Variants in SOS2 observed in about 807,000 individuals in gnomAD.
SOS2 encodes the protein son of sevenless homolog 2.
SOS2 carries 65 observed loss-of-function variants against 148.2 expected under a neutral mutation model. That is an observed-to-expected ratio of 0.44 (90% CI 0.36 to 0.54). The LOEUF (loss-of-function observed/expected upper bound fraction) is 0.54, where lower values mean the gene tolerates loss of function less well. Among genes scored for constraint, SOS2 ranks in the 20% least tolerant of loss-of-function variants. The probability of loss-of-function intolerance (pLI) is 0.00; values close to 1 mark genes in which losing one functional copy is unlikely to be tolerated. For missense variants in SOS2, 1,341 were observed against 1,590.2 expected (o/e 0.84, Z 2.67); for synonymous variants, 539 against 537.1 (o/e 1.00, Z -0.05).
chr14:50,126,944 T>C (rs1883698660), intron 21 of SOS2, among the ~76,000 whole-genome samples: 1 of 152,074 alleles, frequency 6.6e-6, no homozygotes, highest in East Asian at 1.9e-4. Flanking sequence ...ATGCAGTTCA[T>C]TGTGAAGCTG....
intron 8 of SOS2, among the ~76,000 whole-genome samples, chr14:50,168,677 G>A (rs1054573432): frequency 6.6e-6 from 1 of 152,028 alleles, no homozygotes; most frequent in Non-Finnish European, 1.5e-5. Flanking sequence ...ATAGAATGCC[G>A]TTTCGTGATA....
chr14:50,146,261 G>T (rs1434501466), intron 14 of SOS2, among the ~76,000 whole-genome samples: 1 of 152,074 alleles, frequency 6.6e-6, no homozygotes, highest in Non-Finnish European at 1.5e-5. Context: ...AAACAATTTG[G>T]CAAGATCTCA....
At chr14:50,151,882 C>T (rs1254184058) in intron 13 of SOS2, among the ~76,000 whole-genome samples, 1 of 152,048 alleles carries the variant, frequency 6.6e-6, no homozygotes, top group African/African-American at 2.4e-5. Context: ...TGCCACCATG[C>T]TTGGCTAATT....
chr14:50,227,243 C>CT (rs374477701), intron 1 of SOS2, among the ~76,000 whole-genome samples: 36,182 of 111,140 alleles, frequency 0.33, 7,388 homozygotes, highest in Non-Finnish European at 0.4. Flanking sequence ...TTCTTTCTTT[C>CT]TTTCTTTTTT....
intron 1 of SOS2, among the ~76,000 whole-genome samples, chr14:50,211,451 T>C (rs1225051366): frequency 6.6e-6 from 1 of 152,148 alleles, no homozygotes; most frequent in African/African-American, 2.4e-5. Context: ...AGCATAGTAC[T>C]ACCTCCTCTA....
intron 1 of SOS2, among the ~76,000 whole-genome samples, chr14:50,214,144 A>G (rs1367656262): frequency 6.6e-6 from 1 of 152,114 alleles, no homozygotes. Context: ...TTATCTTTTT[A>G]TTTACATAAA....
intron 13 of SOS2, among the ~76,000 whole-genome samples, chr14:50,152,826 G>A (rs1884702498): frequency 6.6e-6 from 1 of 151,992 alleles, no homozygotes; most frequent in African/African-American, 2.4e-5. Context: ...TTAGCCAGGC[G>A]TGATGTCATG....
At chr14:50,174,264 T>C (rs1885456914) in intron 8 of SOS2, among the ~76,000 whole-genome samples, 190 bp downstream of exon 8, 1 of 152,142 alleles carries the variant, frequency 6.6e-6, no homozygotes, top group Admixed American at 6.5e-5. Flanking sequence ...GAAAAAAATA[T>C]TAACTTCAAA....
intron 9 of SOS2, 126 bp downstream of exon 9, chr14:50,161,356 T>TA: frequency 1.3e-6 from 1 of 754,702 alleles, no homozygotes; most frequent in East Asian, 2.7e-5. Context: ...TAAAAGTATA[T>TA]AAAAGTATGA....
At chr14:50,156,193 G>C (rs979246500) in intron 12 of SOS2, 1 of 151,768 alleles carries the variant, frequency 6.6e-6, no homozygotes, top group Admixed American at 6.6e-5. Flanking sequence ...ATAATACTTT[G>C]GTTACTTGGA....
Position 50,118,240 on chromosome 14 carries a change from C to T in SOS2, c.*104G>A. On this transcript the variant is annotated 3_prime_UTR_variant, in exon 23 of 23. Transcript: ENST00000216373. ...TTGATCAGTAGCATTTTTGTAAGAG[C>T]ATTATTTGTAAAAAGTACTAAAATA... is the stretch of plus-strand genomic sequence containing the variant. The T allele has an allele frequency of 1.1e-6, 1 of 932,190 alleles. No homozygotes were observed. The highest frequency in any genetic ancestry group is 1.6e-6 in the Non-Finnish European group (1 of 623,780). 57.7% of individuals were successfully genotyped at this position (932,190 alleles called of 1,614,324 possible). A position where few individuals can be genotyped will look rare whatever the true frequency, so the allele number is the denominator to read the frequency against.
In SOS2 at chr14:50,130,568, A is replaced by T; in HGVS notation, c.3270T>A (p.Ser1090=). 1 of 1,613,758 alleles carries T rather than the reference A, an allele frequency of 6.2e-7. No homozygotes were observed. Among genetic ancestry groups the T allele is most frequent in the Non-Finnish European group, 8.5e-7 (1 of 1,179,638 alleles). Residue 1090 remains serine (S), a synonymous_variant, in exon 20 of 23, where the codon TCT becomes TCA. Transcript: ENST00000216373. The part of the protein sequence containing the change: ...VSAPTSPNTP[S]TPPVSASSDL... ...CTGAAGAAGCAGATACTGGTGGAGT[A>T]GATGGTGTATTTGGAGAGGTTGGTG...
At chr14:50,121,495 T>C (rs1228519672) in intron 21 of SOS2, among the ~76,000 whole-genome samples, 1 of 128,152 alleles carries the variant, frequency 7.8e-6, no homozygotes, top group African/African-American at 3.0e-5. Flanking sequence ...AAAATTGCTA[T>C]CCCGATCATG....
intron 10 of SOS2, among the ~76,000 whole-genome samples, chr14:50,159,001 G>A (rs568313483): frequency 2.0e-5 from 3 of 152,028 alleles, no homozygotes; most frequent in African/African-American, 4.8e-5. Context: ...TGGCTAACAC[G>A]GTGAAACCCC....
chr14:50,208,650 G>C (rs540284834), intron 1 of SOS2, among the ~76,000 whole-genome samples: 1 of 151,724 alleles, frequency 6.6e-6, no homozygotes, highest in Non-Finnish European at 1.5e-5. Flanking sequence ...CCATCTCAAA[G>C]AAAAAACAAA....
intron 8 of SOS2, among the ~76,000 whole-genome samples, chr14:50,166,613 T>C (rs112389815): frequency 3.3e-5 from 5 of 152,330 alleles, no homozygotes; most frequent in African/African-American, 1.2e-4. Flanking sequence ...TGTCTATAAG[T>C]GTATCCTGTC....
chr14:50,204,218 T>C (rs989717411), intron 2 of SOS2, 66 bp downstream of exon 2: 8 of 936,250 alleles, frequency 8.5e-6, no homozygotes, highest in Non-Finnish European at 1.3e-5. Flanking sequence ...ATTAGAATGA[T>C]ATAGATACAA....
chr14:50,214,696 G>A lies in SOS2; in HGVS notation c.88-10287C>T, dbSNP rs190796171. 4.6e-4 allele frequency among the ~76,000 whole-genome samples: 68 copies of A among 147,404 alleles called. No homozygotes were observed. The East Asian group carries it at 5.5e-3, about 12-fold the overall frequency. Reference sequence around the variant, plus strand: ...GTGTGGCAGTAGACTTCATAAGGCCGTTTCTTTTTTTTTTTTTTTTTCTTT... The same window carrying A: ...GTGTGGCAGTAGACTTCATAAGGCCATTTCTTTTTTTTTTTTTTTTTCTTT... On this transcript the variant is annotated intron_variant, in intron 1 of 22. Transcript: ENST00000216373.
intron 7 of SOS2, among the ~76,000 whole-genome samples, chr14:50,175,129 C>T (rs1885481837): frequency 6.6e-6 from 1 of 152,180 alleles, no homozygotes. Context: ...ATGTCATGGT[C>T]TCAAGGATTA....
Sources: gnomAD v4.1 joint callset for allele counts (sites outside exome capture counted in the v4.1 genomes callset) on GRCh38, gnomAD v4.1.1 for gene constraint, MANE v1.5 for transcripts, NCBI Gene and HGNC (gene_info 2026-07-23, HGNC 2026-07-21) for gene names.